Variants in CYRIB observed in about 807,000 individuals in gnomAD.
CYRIB encodes the protein CYFIP related Rac1 interactor B.
A neutral mutation model predicts 44.2 loss-of-function variants in CYRIB; 8 were observed. The observed-to-expected ratio is 0.18, with a 90% CI of 0.11 to 0.33. The LOEUF (loss-of-function observed/expected upper bound fraction) is 0.33. CYRIB is among the 10% of genes least tolerant of loss of function. The pLI, the probability that CYRIB is intolerant of heterozygous loss-of-function variation, is 1.00. For synonymous variants in CYRIB, 131 were observed against 127.2 expected (o/e 1.03, Z -0.20); for missense variants, 185 against 382.8 (o/e 0.48, Z 4.31).
At position 129,871,505 on chromosome 8, in the gene CYRIB, C is replaced by T; in HGVS notation, c.74-9G>A. ...CTCTGTAGGCTGGGCATCTAAACAGCAGGAAAGCACAAGAAAATTTACAGT... is the reference window on the plus strand; with the variant it reads ...CTCTGTAGGCTGGGCATCTAAACAGTAGGAAAGCACAAGAAAATTTACAGT... On this transcript the variant is annotated splice_polypyrimidine_tract_variant and intron_variant, in intron 3 of 11. Transcript: ENST00000519824. 1 of 1,603,954 alleles carries T rather than the reference C, an allele frequency of 6.2e-7. No homozygotes were observed. The highest frequency in any genetic ancestry group is 8.5e-7 in the Non-Finnish European group (1 of 1,176,948).
At chr8:129,991,415 T>C (rs1197249395) in intron 1 of CYRIB, among the ~76,000 whole-genome samples, 1 of 152,080 alleles carries the variant, frequency 6.6e-6, no homozygotes, top group Non-Finnish European at 1.5e-5. Context: ...CGTGAATGGA[T>C]TAATCCATTC....
intron 11 of CYRIB, chr8:129,844,540 G>A (rs985230667): frequency 6.6e-6 from 1 of 152,002 alleles, no homozygotes; most frequent in African/African-American, 2.4e-5. Flanking sequence ...TACTGAATCT[G>A]AACTCCCAGC....
chr8:129,853,752 G>A (rs1395383907), intron 7 of CYRIB, among the ~76,000 whole-genome samples: 1 of 152,124 alleles, frequency 6.6e-6, no homozygotes, highest in Non-Finnish European at 1.5e-5. Context: ...CAAGGAGCAG[G>A]CACAAAGCCA....
intron 2 of CYRIB, among the ~76,000 whole-genome samples, chr8:129,960,989 G>A (rs1428131393): frequency 6.7e-6 from 1 of 150,120 alleles, no homozygotes; most frequent in Admixed American, 6.7e-5. Flanking sequence ...AAAGAAACTA[G>A]GAAACTTACC....
intron 1 of CYRIB, among the ~76,000 whole-genome samples, chr8:129,935,356 G>T (rs964149091): frequency 6.6e-6 from 1 of 152,192 alleles, no homozygotes; most frequent in Non-Finnish European, 1.5e-5. Flanking sequence ...CACGGACAGG[G>T]CGACAGGGGG....
At chr8:129,876,149 A>C (rs970008724) in intron 3 of CYRIB, among the ~76,000 whole-genome samples, 73 of 151,852 alleles carry the variant, frequency 4.8e-4, no homozygotes, top group African/African-American at 1.7e-3. Context: ...GATGATTCTC[A>C]ATCTACTCCC....
chr8:129,923,841 G>A (rs2085461908), intron 1 of CYRIB, among the ~76,000 whole-genome samples: 1 of 148,648 alleles, frequency 6.7e-6, no homozygotes. Flanking sequence ...GCTTTAAGGA[G>A]GAAAAAAGTA....
chr8:130,003,425 A>G (rs1264226340), intron 1 of CYRIB, among the ~76,000 whole-genome samples: 3 of 152,196 alleles, frequency 2.0e-5, no homozygotes, highest in African/African-American at 7.2e-5. Context: ...AAATGCATGC[A>G]CCTTCACTGG....
chr8:129,996,123 CTTCA>C (rs1490836863), intron 1 of CYRIB, among the ~76,000 whole-genome samples: 2 of 152,202 alleles, frequency 1.3e-5, no homozygotes, highest in Non-Finnish European at 2.9e-5. Flanking sequence ...GCATCCACTC[CTTCA>C]TTCATTCATT....
Position 129,849,376 on chromosome 8 carries a change from A to C in CYRIB, c.714-7T>G, listed in dbSNP as rs1004723458. The C allele has an allele frequency of 6.2e-7, 1 of 1,600,010 alleles. No individual in the cohort carries two copies. The highest frequency in any genetic ancestry group is 8.5e-7 in the Non-Finnish European group (1 of 1,176,434). Reference sequence around the variant, plus strand: ...AAATCTGCTTCTGTATTCCCTGAAGAGTAGATAAGATATGCATGGAAGAAG... The same window carrying C: ...AAATCTGCTTCTGTATTCCCTGAAGCGTAGATAAGATATGCATGGAAGAAG... On this transcript the variant is annotated splice_polypyrimidine_tract_variant and splice_region_variant and intron_variant, in intron 9 of 11. Coordinates refer to ENST00000519824, the Ensembl canonical transcript of CYRIB.
chr8:129,895,115 T>G (rs1033721842), intron 2 of CYRIB, among the ~76,000 whole-genome samples: 7 of 17,298 alleles, frequency 4.0e-4, no homozygotes, highest in South Asian at 2.2e-3. Flanking sequence ...GTCGGCGGGG[T>G]TGGGGTGGGG....
At chr8:129,973,669 A>G (rs1010562561) in intron 1 of CYRIB, among the ~76,000 whole-genome samples, 1 of 152,090 alleles carries the variant, frequency 6.6e-6, no homozygotes, top group Non-Finnish European at 1.5e-5. Context: ...GCTGTCCTCT[A>G]TTTGTCATTT....
chr8:129,886,664 GGTAACTTCCAC>G (rs1307466725), intron 2 of CYRIB, among the ~76,000 whole-genome samples: 1 of 152,084 alleles, frequency 6.6e-6, no homozygotes, highest in African/African-American at 2.4e-5. Context: ...AAGGCCATCA[GGTAACTTCCAC>G]GTTGCTAATT....
chr8:129,858,691 C>T (rs1429193485), intron 5 of CYRIB, among the ~76,000 whole-genome samples: 1 of 146,578 alleles, frequency 6.8e-6, no homozygotes, highest in East Asian at 2.0e-4. Context: ...AAATTCTGCC[C>T]AGTGAAACGA....
intron 2 of CYRIB, among the ~76,000 whole-genome samples, chr8:129,964,437 G>A (rs1289593681): frequency 6.6e-6 from 1 of 152,190 alleles, no homozygotes; most frequent in East Asian, 1.9e-4. Context: ...CAGGAGAGAC[G>A]AAGTTAAGAT....
chr8:129,871,509 A>C lies in CYRIB; in HGVS notation c.74-13T>G. ...GTAGGCTGGGCATCTAAACAGCAGG[A>C]AAGCACAAGAAAATTTACAGTGACA... On this transcript the variant is annotated splice_polypyrimidine_tract_variant and intron_variant, in intron 3 of 11. Coordinates refer to ENST00000519824, the Ensembl canonical transcript of CYRIB. 1 of 1,603,328 alleles carries C rather than the reference A, an allele frequency of 6.2e-7. No individual in the cohort carries two copies. Among genetic ancestry groups the C allele is most frequent in the South Asian group, 1.1e-5 (1 of 87,004 alleles).
At chr8:129,884,533 C>T (rs1046151410) in intron 2 of CYRIB, among the ~76,000 whole-genome samples, 6 of 152,168 alleles carry the variant, frequency 3.9e-5, no homozygotes, top group African/African-American at 1.4e-4. Flanking sequence ...GGTGACCTAC[C>T]CGCCTCAGCC....
intron 1 of CYRIB, among the ~76,000 whole-genome samples, chr8:129,974,314 C>T (rs1233528907): frequency 2.0e-5 from 3 of 152,132 alleles, no homozygotes; most frequent in African/African-American, 4.8e-5. Context: ...AGCAAAACAT[C>T]GCTTAAATGG....
rs140331456 is a variant in CYRIB, at chr8:129,901,091, C to T, written c.-11+2221G>A. Among the ~76,000 whole-genome samples the T allele has an allele frequency of 8.3e-4, 126 of 152,334 alleles. 2 individuals are homozygous for T. In the East Asian group the frequency reaches 0.02, roughly 24 times the overall value. On this transcript the variant is annotated intron_variant, in intron 2 of 11. Coordinates refer to ENST00000519824, the Ensembl canonical transcript of CYRIB. ...CAAAATTTGGGACTACAGCCTGGGA[C>T]TACAGGCACACGCCACCACACCTGG...
Sources: allele counts gnomAD v4.1 joint callset (sites outside exome capture counted in the v4.1 genomes callset), GRCh38; gene constraint gnomAD v4.1.1; transcripts MANE v1.5; gene names NCBI Gene and HGNC (gene_info 2026-07-23, HGNC 2026-07-21).